Variants in GLRA1 observed in about 807,000 individuals in gnomAD.
GLRA1 encodes glycine receptor alpha 1.
Under a neutral mutation model 48.3 loss-of-function variants are expected in GLRA1, and 37 were observed. The ratio of observed to expected loss-of-function variants is 0.77; its 90% confidence interval spans 0.59 to 1.01. GLRA1 has a LOEUF of 1.01. Ranked by LOEUF, GLRA1 falls within the 50% of genes least tolerant of loss-of-function variation. The pLI, the probability that GLRA1 is intolerant of heterozygous loss-of-function variation, is 0.00. For missense variants in GLRA1, 427 were observed against 571.0 expected, an observed-to-expected ratio of 0.75 and a Z score of 2.57; for synonymous variants, 196 against 210.7, an observed-to-expected ratio of 0.93 and a Z score of 0.60.
chr5:151,823,733 T>C (rs774489550), intron 8 of GLRA1, among the ~76,000 whole-genome samples: 7 of 152,206 alleles, frequency 4.6e-5, no homozygotes, highest in Non-Finnish European at 8.8e-5. Flanking sequence ...CACCAGATAC[T>C]TTGCAGCCCT....
chr5:151,844,621 C>CAAAAAAAA (rs202218874), intron 7 of GLRA1, among the ~76,000 whole-genome samples: 11 of 49,704 alleles, frequency 2.2e-4, no homozygotes, highest in South Asian at 1.1e-3. Flanking sequence ...TACTCTATCT[C>CAAAAAAAA]AAAAAAAAAA....
intron 3 of GLRA1, among the ~76,000 whole-genome samples, chr5:151,878,504 G>A (rs1292132513): frequency 1.3e-5 from 2 of 152,280 alleles, no homozygotes; most frequent in Admixed American, 6.5e-5. Context: ...CAAGACAATG[G>A]GGAAAATGTC....
intron 5 of GLRA1, among the ~76,000 whole-genome samples, chr5:151,855,901 G>T (rs1753028182): frequency 6.6e-6 from 1 of 152,214 alleles, no homozygotes; most frequent in Non-Finnish European, 1.5e-5. Context: ...AGGCCACAGT[G>T]CTTTGTACTT....
chr5:151,849,163 T>TTTTCTTTTCTTTTC (rs1561554533), intron 7 of GLRA1: 5 of 111,076 alleles, frequency 4.5e-5, no homozygotes, highest in African/African-American at 2.6e-4. Context: ...TTTTCTTTTC[T>TTTTCTTTTCTTTTC]TTTCTTTCTT....
At chr5:151,923,150 G>A (rs1754920573) in intron 1 of GLRA1, among the ~76,000 whole-genome samples, 1 of 152,162 alleles carries the variant, frequency 6.6e-6, no homozygotes, top group Non-Finnish European at 1.5e-5. Context: ...CAAAATAATT[G>A]TTTGAACAGG....
intron 7 of GLRA1, among the ~76,000 whole-genome samples, chr5:151,843,282 A>G (rs958768977): frequency 1.9e-4 from 22 of 117,346 alleles, no homozygotes; most frequent in Admixed American, 1.3e-3. Flanking sequence ...TTTTTTTGAG[A>G]TGGAGTCTCA....
At position 151,831,844 on chromosome 5, in the gene GLRA1, C is replaced by G. The variant is rs186884435; in HGVS notation, c.913-2777G>C. On this transcript the variant is annotated intron_variant, in intron 7 of 8. Transcript: ENST00000274576. ...AAGTGGGTCCCTGACCCCTGTGCCT[C>G]CTGATGGAGAGACACCTCCCTGCAG... is the stretch of plus-strand genomic sequence containing the variant. Among the ~76,000 whole-genome samples the G allele has an allele frequency of 6.8e-3, 1,042 of 152,312 alleles. 4 individuals are homozygous for G. The highest frequency in any genetic ancestry group is 0.01 in the Admixed American group (159 of 15,306).
chr5:151,861,013 G>T (rs1753189285), intron 3 of GLRA1, among the ~76,000 whole-genome samples: 1 of 152,222 alleles, frequency 6.6e-6, no homozygotes. Context: ...TGCTGAGAAT[G>T]ATGGTTTCCA....
At chr5:151,892,462 A>G (rs770516416) in intron 1 of GLRA1, 24 bp from the exon 2 acceptor site, 1 of 1,613,474 alleles carries the variant, frequency 6.2e-7, no homozygotes, top group Non-Finnish European at 8.5e-7. Context: ...GAGGAGAGCA[A>G]AAGGTTAATG....
At chr5:151,860,101 T>C (rs1753156626) in intron 3 of GLRA1, 93 bp from the exon 4 acceptor site, 1 of 851,490 alleles carries the variant, frequency 1.2e-6, no homozygotes. Flanking sequence ...TAAAACCTTT[T>C]CTGGAGGATG....
chr5:151,888,132 G>A (rs147936858), intron 2 of GLRA1, among the ~76,000 whole-genome samples: 7 of 152,298 alleles, frequency 4.6e-5, no homozygotes, highest in Non-Finnish European at 1.0e-4. Context: ...GTAGAACCAG[G>A]ACTTGAACCA....
At chr5:151,861,885 C>T (rs1753218078) in intron 3 of GLRA1, among the ~76,000 whole-genome samples, 1 of 152,192 alleles carries the variant, frequency 6.6e-6, no homozygotes. Context: ...AATGCCATTC[C>T]CATCAAGCTA....
Position 151,825,103 on chromosome 5 carries a change from C to T in GLRA1, c.1060-2140G>A, listed in dbSNP as rs549966472. Among the ~76,000 whole-genome samples the T allele has an allele frequency of 5.3e-5, 8 of 152,294 alleles. No homozygotes were observed. The East Asian group carries it at 1.2e-3, about 22-fold the overall frequency. ...GAGGAGGAAGAGGATGTGCCACCTACAGTGCCTGGCAAACAGGTGCTCAGT... is the reference window on the plus strand; with the variant it reads ...GAGGAGGAAGAGGATGTGCCACCTATAGTGCCTGGCAAACAGGTGCTCAGT... On this transcript the variant is annotated intron_variant, in intron 8 of 8. Transcript: ENST00000274576.
chr5:151,864,397 A>C (rs1474545191), intron 3 of GLRA1, among the ~76,000 whole-genome samples: 1 of 152,236 alleles, frequency 6.6e-6, no homozygotes, highest in African/African-American at 2.4e-5. Context: ...AATCCCTGCA[A>C]GCTAGACATT....
At chr5:151,846,891 T>C (rs973713076) in intron 7 of GLRA1, among the ~76,000 whole-genome samples, 4 of 152,234 alleles carry the variant, frequency 2.6e-5, no homozygotes, top group African/African-American at 9.6e-5. Flanking sequence ...TGTTAATTTT[T>C]AAAGATGTGA....
chr5:151,922,155 A>T (rs932784479), intron 1 of GLRA1, among the ~76,000 whole-genome samples: 4 of 152,192 alleles, frequency 2.6e-5, no homozygotes, highest in African/African-American at 9.6e-5. Context: ...TACCTGGGTG[A>T]CTGAGATGAT....
chr5:151,850,133 C>G, intron 7 of GLRA1: 3 of 1,604,088 alleles, frequency 1.9e-6, no homozygotes, highest in Non-Finnish European at 2.6e-6. Context: ...CTTCCAATGG[C>G]TTCCCAGGAC....
Position 151,886,838 on chromosome 5 carries a change from C to CA in GLRA1, c.185-51dup, listed in dbSNP as rs778746969. 7 of 1,344,270 alleles carry CA rather than the reference C, an allele frequency of 5.2e-6. No homozygotes were observed. In the South Asian group the frequency reaches 7.0e-5, roughly 13 times the overall value. 83.3% of individuals were successfully genotyped at this position (1,344,270 alleles called of 1,614,324 possible). ...TTAGCCCCAAGGCCATGGAAGAACC[C>CA]ACAGGGTAGGACTCATTCCCAGAAC... On this transcript the variant is annotated intron_variant, in intron 2 of 8. Transcript: ENST00000274576.
At chr5:151,897,437 G>A (rs1237335725) in intron 1 of GLRA1, among the ~76,000 whole-genome samples, 1 of 151,882 alleles carries the variant, frequency 6.6e-6, no homozygotes, top group East Asian at 1.9e-4. Flanking sequence ...CCTTATAACA[G>A]TATTTGGAAA....
Sources: allele counts gnomAD v4.1 joint callset (sites outside exome capture counted in the v4.1 genomes callset), GRCh38; gene constraint gnomAD v4.1.1; transcripts MANE v1.5; gene names NCBI Gene and HGNC (gene_info 2026-07-23, HGNC 2026-07-21).